Variants in CRADD observed in about 807,000 individuals in gnomAD.
The protein encoded by CRADD is death domain-containing protein CRADD.
In CRADD, 9 loss-of-function variants were observed where a neutral mutation model predicts 15.5. The ratio of observed to expected loss-of-function variants is 0.58; its 90% CI spans 0.35 to 1.01. CRADD has a LOEUF of 1.01. CRADD is among the 50% of genes least tolerant of loss of function. The probability of loss-of-function intolerance (pLI) is 0.02; values close to 1 mark genes in which losing one functional copy is unlikely to be tolerated. For missense variants in CRADD, 227 were observed against 250.3 expected, an observed-to-expected ratio of 0.91 and a Z score of 0.63; for synonymous variants, 118 against 107.6, an observed-to-expected ratio of 1.10 and a Z score of -0.60.
chr12:93,742,540 A>G (rs950261517), intron 2 of CRADD, among the ~76,000 whole-genome samples: 6 of 152,042 alleles, frequency 3.9e-5, no homozygotes, highest in Middle Eastern at 3.4e-3. Context: ...CATTTGTCCA[A>G]TTTGGCTCAA....
At chr12:93,762,860 CA>C (rs1308568873) in intron 2 of CRADD, among the ~76,000 whole-genome samples, 1 of 151,762 alleles carries the variant, frequency 6.6e-6, no homozygotes, top group Non-Finnish European at 1.5e-5. Context: ...CTAAATAAAA[CA>C]AAAACAAGTC....
rs145502871 is a variant in CRADD, at chr12:93,741,758, G to C, written c.298+62686G>C. ...ATACTACTCACAAGCCTTTCTGCTT[G>C]TTTGTGACTCTCTGGAAATGCCATT... On this transcript the variant is annotated intron_variant, in intron 2 of 2. Transcript: ENST00000332896. Among the ~76,000 whole-genome samples the C allele has an allele frequency of 3.7e-3, 569 of 152,302 alleles. 7 individuals carry two copies. The highest frequency in any genetic ancestry group is 0.013 in the African/African-American group (532 of 41,570).
chr12:93,845,575 TA>T (rs1052059524), intron 2 of CRADD, among the ~76,000 whole-genome samples: 20 of 64,954 alleles, frequency 3.1e-4, no homozygotes, highest in East Asian at 1.2e-3. Flanking sequence ...TATATATATA[TA>T]TATTTTTAAT....
chr12:93,820,798 G>A (rs1161235404), intron 2 of CRADD, among the ~76,000 whole-genome samples: 2 of 152,142 alleles, frequency 1.3e-5, no homozygotes, highest in East Asian at 3.9e-4. Context: ...TCACCCCCAT[G>A]CCCAGTCCCT....
chr12:93,813,590 C>T (rs1957653274), intron 2 of CRADD, among the ~76,000 whole-genome samples: 1 of 152,086 alleles, frequency 6.6e-6, no homozygotes, highest in South Asian at 2.1e-4. Context: ...CCACCTGTAA[C>T]TAATTTAGGT....
At chr12:93,763,828 G>A (rs1015669586) in intron 2 of CRADD, among the ~76,000 whole-genome samples, 2 of 152,164 alleles carry the variant, frequency 1.3e-5, no homozygotes, top group African/African-American at 4.8e-5. Context: ...TGACATGTGG[G>A]TCAGTATAGT....
At chr12:93,720,914 TTGTTAGTTGGGTA>T (rs1412490803) in intron 2 of CRADD, among the ~76,000 whole-genome samples, 1 of 152,228 alleles carries the variant, frequency 6.6e-6, no homozygotes, top group African/African-American at 2.4e-5. Flanking sequence ...TTTGAGGTGA[TTGTTAGTTGGGTA>T]TATAGTTGGA....
intron 2 of CRADD, among the ~76,000 whole-genome samples, chr12:93,863,786 C>T (rs1332529773): frequency 6.6e-6 from 1 of 152,186 alleles, no homozygotes; most frequent in East Asian, 1.9e-4. Context: ...CTGTATGCTT[C>T]ACATGAGTAC....
intron 2 of CRADD, among the ~76,000 whole-genome samples, chr12:93,704,283 A>G (rs1253348852): frequency 6.6e-6 from 1 of 152,222 alleles, no homozygotes; most frequent in African/African-American, 2.4e-5. Context: ...TTCTTTGGTT[A>G]AGTCATTTAC....
intron 2 of CRADD, among the ~76,000 whole-genome samples, chr12:93,875,841 T>A (rs1292046393): frequency 1.3e-5 from 2 of 152,256 alleles, no homozygotes; most frequent in Admixed American, 6.5e-5. Context: ...ATAAGAGTAG[T>A]TTACATATCA....
chr12:93,783,304 G>A (rs1957234204), intron 2 of CRADD, among the ~76,000 whole-genome samples: 1 of 149,812 alleles, frequency 6.7e-6, no homozygotes, highest in Admixed American at 6.7e-5. Flanking sequence ...AGCAGAGAAG[G>A]GACTAAGTTT....
intron 2 of CRADD, among the ~76,000 whole-genome samples, chr12:93,773,573 C>T (rs1426447016): frequency 2.6e-5 from 4 of 151,952 alleles, no homozygotes; most frequent in African/African-American, 9.7e-5. Context: ...CAGGTTATTT[C>T]CTGCTGGAAG....
chr12:93,787,125 AAG>A (rs1418228724), intron 2 of CRADD, among the ~76,000 whole-genome samples: 2 of 135,518 alleles, frequency 1.5e-5, no homozygotes, highest in African/African-American at 5.5e-5. Context: ...CATTCTGCTG[AAG>A]ATTTTTTTTT....
intron 2 of CRADD, among the ~76,000 whole-genome samples, chr12:93,816,303 G>A (rs1329877092): frequency 2.0e-5 from 3 of 151,834 alleles, no homozygotes; most frequent in Non-Finnish European, 4.4e-5. Context: ...TGCAGCCTCC[G>A]CCTCTGTGGT....
At chr12:93,682,261 T>C (rs1955327790) in intron 2 of CRADD, among the ~76,000 whole-genome samples, 1 of 152,218 alleles carries the variant, frequency 6.6e-6, no homozygotes, top group Non-Finnish European at 1.5e-5. Context: ...CACTTAAATT[T>C]TTGTAAAGAT....
intron 2 of CRADD, among the ~76,000 whole-genome samples, chr12:93,762,095 G>C (rs1184503373): frequency 1.3e-5 from 2 of 152,174 alleles, no homozygotes; most frequent in Admixed American, 1.3e-4. Context: ...ATTTGCAAAG[G>C]CTAATAACTG....
intron 2 of CRADD, among the ~76,000 whole-genome samples, chr12:93,842,925 G>A (rs1319886608): frequency 6.6e-6 from 1 of 152,090 alleles, no homozygotes; most frequent in Non-Finnish European, 1.5e-5. Context: ...AAACCGACGA[G>A]TTTCACTGAG....
intron 2 of CRADD, among the ~76,000 whole-genome samples, chr12:93,803,946 A>G (rs11107195): frequency 0.07 from 10,592 of 152,234 alleles, 510 homozygotes; most frequent in African/African-American, 0.12. Flanking sequence ...GTCTTTGAAG[A>G]TGGTGGCAAG....
chr12:93,817,553 G>T (rs1208891903), intron 2 of CRADD, among the ~76,000 whole-genome samples: 1 of 152,086 alleles, frequency 6.6e-6, no homozygotes, highest in East Asian at 1.9e-4. Context: ...TTCTTTCTTG[G>T]TGGAAACCTG....
Sources: allele counts gnomAD v4.1 joint callset (sites outside exome capture counted in the v4.1 genomes callset), GRCh38; gene constraint gnomAD v4.1.1; transcripts MANE v1.5; gene names NCBI Gene and HGNC (gene_info 2026-07-23, HGNC 2026-07-21).